SCN3A: variants seen among roughly 807,000 people sequenced by gnomAD.
SCN3A encodes sodium channel protein type 3 subunit alpha.
A neutral mutation model predicts 187.6 loss-of-function variants in SCN3A; 60 were observed. That is an observed-to-expected ratio of 0.32 (90% confidence interval 0.26 to 0.40). The LOEUF is 0.40. Ranked by LOEUF, SCN3A falls within the 10% of genes least tolerant of loss-of-function variation. The pLI is 1.00. For missense variants in SCN3A, 1,601 were observed against 2,428.2 expected (o/e 0.66, Z 7.16); for synonymous variants, 788 against 829.2 (o/e 0.95, Z 0.85).
At chr2:165,111,068 C>T (rs546648629) in intron 21 of SCN3A, among the ~76,000 whole-genome samples, 1 of 152,302 alleles carries the variant, frequency 6.6e-6, no homozygotes, top group South Asian at 2.1e-4. Context: ...GGCACGGTGG[C>T]TCATGCCTGT....
intron 2 of SCN3A, among the ~76,000 whole-genome samples, chr2:165,182,968 C>A (rs1171417835): frequency 7.8e-5 from 10 of 127,910 alleles, no homozygotes; most frequent in Non-Finnish European, 1.6e-4. Context: ...CAAAACAAGA[C>A]CTTGTCAAAA....
At chr2:165,163,579 A>G (rs773544526) in intron 7 of SCN3A, 39 bp downstream of exon 7, 1 of 1,607,480 alleles carries the variant, frequency 6.2e-7, no homozygotes, top group South Asian at 1.1e-5. Flanking sequence ...TTCAAACTCA[A>G]TAATTAAAGT....
intron 27 of SCN3A, 98 bp from the exon 28 acceptor site, chr2:165,091,443 G>A: frequency 7.2e-7 from 1 of 1,387,156 alleles, no homozygotes; most frequent in Non-Finnish European, 1.0e-6. Flanking sequence ...AACTTGTTAT[G>A]AATATGAGCC....
At chr2:165,103,092 A>T (rs536196526) in intron 21 of SCN3A, among the ~76,000 whole-genome samples, 1 of 152,330 alleles carries the variant, frequency 6.6e-6, no homozygotes, top group East Asian at 1.9e-4. Context: ...ACCTTATTTT[A>T]GTGGTTTAAC....
intron 24 of SCN3A, among the ~76,000 whole-genome samples, chr2:165,095,942 T>C (rs956818547): frequency 5.9e-5 from 9 of 152,174 alleles, no homozygotes; most frequent in Non-Finnish European, 1.3e-4. Context: ...TTAGTCATAA[T>C]TTTTTGCAGT....
At chr2:165,188,209 T>G (rs1171053416) in intron 1 of SCN3A, among the ~76,000 whole-genome samples, 1 of 152,166 alleles carries the variant, frequency 6.6e-6, no homozygotes, top group Non-Finnish European at 1.5e-5. Context: ...TTCTTTTTCC[T>G]ACCCTTATGA....
At chr2:165,109,451 C>T (rs1033326734) in intron 21 of SCN3A, among the ~76,000 whole-genome samples, 1 of 152,154 alleles carries the variant, frequency 6.6e-6, no homozygotes, top group Non-Finnish European at 1.5e-5. Flanking sequence ...CTCTCTCCCA[C>T]CCATCATCTA....
Position 165,189,276 on chromosome 2 carries a change from A to T in SCN3A, c.-247-2529T>A, listed in dbSNP as rs531781415. ...ACATCTTAAATTTTATTTTGCACAG[A>T]TGTGTACAAGATGCAAAAAAGTCTT... On this transcript the variant is annotated intron_variant, in intron 1 of 27. Coordinates refer to ENST00000283254, the MANE Select transcript of SCN3A (RefSeq NM_006922.4). 1.2e-4 allele frequency among the ~76,000 whole-genome samples: 19 copies of T among 152,300 alleles called. No homozygotes were observed. The East Asian group carries it at 3.3e-3, about 26-fold the overall frequency.
chr2:165,115,997 G>C (rs1485308596), intron 18 of SCN3A, among the ~76,000 whole-genome samples: 1 of 152,084 alleles, frequency 6.6e-6, no homozygotes, highest in Non-Finnish European at 1.5e-5. Flanking sequence ...CACCTCTTCA[G>C]ATGGAAATTT....
chr2:165,151,887 C>T (rs1688704209), intron 11 of SCN3A, among the ~76,000 whole-genome samples: 1 of 152,134 alleles, frequency 6.6e-6, no homozygotes, highest in Non-Finnish European at 1.5e-5. Context: ...TCTGTTCCTA[C>T]ACTGGCAAAC....
intron 15 of SCN3A, among the ~76,000 whole-genome samples, chr2:165,135,255 C>T (rs572206015): frequency 3.9e-5 from 6 of 152,008 alleles, no homozygotes; most frequent in Non-Finnish European, 7.4e-5. Flanking sequence ...CACAAAAATA[C>T]GGAGCACCTT....
intron 1 of SCN3A, among the ~76,000 whole-genome samples, chr2:165,190,717 T>A (rs1191354029): frequency 6.6e-6 from 1 of 150,956 alleles, no homozygotes; most frequent in Non-Finnish European, 1.5e-5. Context: ...AGCATGATTC[T>A]ATACTTCTTA....
intron 1 of SCN3A, among the ~76,000 whole-genome samples, chr2:165,187,651 C>T (rs572136160): frequency 2.6e-5 from 4 of 152,068 alleles, no homozygotes; most frequent in Admixed American, 6.5e-5. Context: ...ATTCTGTTAC[C>T]GGAGTGATGG....
intron 1 of SCN3A, among the ~76,000 whole-genome samples, chr2:165,194,461 G>C (rs1221843176): frequency 6.6e-6 from 1 of 152,100 alleles, no homozygotes; most frequent in African/African-American, 2.4e-5. Flanking sequence ...TGAGGTAGGT[G>C]TGTCACATCT....
At position 165,115,474 on chromosome 2, in the gene SCN3A, C is replaced by A. The variant is rs747790337; in HGVS notation, c.3495G>T (p.Pro1165=). ...AETEPEEDLK[P]EACFTEGCIK... ...GTTTACCTTCAGTAAAACAAGCTTC[C>A]GGTTTAAGGTCTTCTTCGGGTTCAG... Residue 1165 remains proline, a synonymous_variant, in exon 19 of 28, where the codon CCG becomes CCT. Transcript: ENST00000283254. The A allele has an allele frequency of 3.1e-6, 5 of 1,613,274 alleles. No individual in the cohort carries two copies. Among genetic ancestry groups the A allele is most frequent in the Admixed American group, 1.7e-5 (1 of 59,928 alleles).
intron 21 of SCN3A, among the ~76,000 whole-genome samples, chr2:165,109,366 A>G (rs994073652): frequency 3.3e-5 from 5 of 152,170 alleles, no homozygotes; most frequent in Admixed American, 2.6e-4. Flanking sequence ...TGAGCTCTAG[A>G]TCTATATAAA....
chr2:165,153,890 AC>A (rs1688848834), intron 11 of SCN3A, among the ~76,000 whole-genome samples: 1 of 150,688 alleles, frequency 6.6e-6, no homozygotes, highest in Non-Finnish European at 1.5e-5. Context: ...CATTCACTAT[AC>A]CCCTAGCTCA....
At chr2:165,127,498 T>C (rs895275727) in intron 18 of SCN3A, 133 bp downstream of exon 18, 2 of 728,664 alleles carry the variant, frequency 2.7e-6, no homozygotes, top group Admixed American at 2.6e-5. Context: ...CTTGTGATTT[T>C]CCAACATCAC....
At chr2:165,122,108 T>C (rs999695509) in intron 18 of SCN3A, among the ~76,000 whole-genome samples, 1 of 152,072 alleles carries the variant, frequency 6.6e-6, no homozygotes, top group Non-Finnish European at 1.5e-5. Context: ...TTTGCAGACA[T>C]AACTTTTCCC....
Sources: allele counts gnomAD v4.1 joint callset (sites outside exome capture counted in the v4.1 genomes callset), GRCh38; gene constraint gnomAD v4.1.1; transcripts MANE v1.5; gene names NCBI Gene and HGNC (gene_info 2026-07-23, HGNC 2026-07-21).